The following NRG3 variants were observed in gnomAD, a reference collection of about 807,000 sequenced individuals.
The protein encoded by NRG3 is pro-neuregulin-3, membrane-bound isoform.
Under a neutral mutation model 66.9 loss-of-function variants are expected in NRG3, and 31 were observed. The observed-to-expected ratio is 0.46, with a 90% CI of 0.35 to 0.63. The LOEUF is 0.63. Ranked by LOEUF, NRG3 falls within the 20% of genes least tolerant of loss-of-function variation. NRG3 has a pLI of 0.00. For missense variants in NRG3, 910 were observed against 878.9 expected, an observed-to-expected ratio of 1.04 and a Z score of -0.45; for synonymous variants, 393 against 359.4, an observed-to-expected ratio of 1.09 and a Z score of -1.06.
chr10:82,002,773 A>ATGC (rs1252731716), intron 1 of NRG3, among the ~76,000 whole-genome samples: 1 of 152,220 alleles, frequency 6.6e-6, no homozygotes, highest in Non-Finnish European at 1.5e-5. Context: ...AGATGCAAGA[A>ATGC]AATAGTTTCA....
At chr10:81,991,189 C>T (rs900039372) in intron 1 of NRG3, among the ~76,000 whole-genome samples, 5 of 152,064 alleles carry the variant, frequency 3.3e-5, no homozygotes, top group African/African-American at 1.2e-4. Flanking sequence ...TTATTGTCTT[C>T]AATATGTACA....
At chr10:81,877,947 C>A in intron 1 of NRG3, 1 of 1,537,526 alleles carries the variant, frequency 6.5e-7, no homozygotes, top group Admixed American at 2.0e-5. Context: ...TCTTTTGATG[C>A]AGTTGATAGA....
At chr10:81,968,395 C>T (rs1006346492) in intron 1 of NRG3, among the ~76,000 whole-genome samples, 1 of 152,100 alleles carries the variant, frequency 6.6e-6, no homozygotes, top group Admixed American at 6.6e-5. Context: ...ACTGGGTGGT[C>T]CACTTAGGGG....
At chr10:82,879,294 T>C (rs935198212) in intron 4 of NRG3, among the ~76,000 whole-genome samples, 5 of 152,146 alleles carry the variant, frequency 3.3e-5, no homozygotes, top group African/African-American at 4.8e-5. Flanking sequence ...ATAGTATATG[T>C]TTTTCTTAAC....
At chr10:82,878,571 G>A (rs1445041463) in intron 4 of NRG3, among the ~76,000 whole-genome samples, 1 of 152,210 alleles carries the variant, frequency 6.6e-6, no homozygotes, top group African/African-American at 2.4e-5. Flanking sequence ...TGGGGAGGCA[G>A]TGAGATGAGT....
At chr10:82,856,702 C>G in intron 3 of NRG3, among the ~76,000 whole-genome samples, 1 of 139,814 alleles carries the variant, frequency 7.2e-6, no homozygotes, top group Non-Finnish European at 1.5e-5. Context: ...CGAGATTGTG[C>G]CATTGCACTC....
chr10:81,901,136 G>A (rs7917933), intron 1 of NRG3, among the ~76,000 whole-genome samples: 67,949 of 152,062 alleles, frequency 0.45, 18,695 homozygotes, highest in East Asian at 0.81. Context: ...GGTACAGTGT[G>A]GAATAATGTG....
intron 1 of NRG3, among the ~76,000 whole-genome samples, chr10:82,112,405 G>C (rs942718025): frequency 6.6e-6 from 1 of 151,996 alleles, no homozygotes; most frequent in African/African-American, 2.4e-5. Flanking sequence ...GAAGATGAGG[G>C]AACAGGCCTC....
intron 3 of NRG3, among the ~76,000 whole-genome samples, chr10:82,750,039 A>C (rs961711273): frequency 2.0e-5 from 3 of 152,194 alleles, no homozygotes; most frequent in African/African-American, 7.2e-5. Context: ...ATTCAGAGGA[A>C]AACCATAATC....
intron 1 of NRG3, among the ~76,000 whole-genome samples, chr10:82,287,992 G>A (rs1589600580): frequency 6.6e-6 from 1 of 152,174 alleles, no homozygotes; most frequent in African/African-American, 2.4e-5. Context: ...ATCAAGGCCA[G>A]TACTCAAGTC....
In NRG3 at chr10:82,333,151, T is replaced by C. The variant is rs75138377; in HGVS notation, c.824-25588T>C. Among the ~76,000 whole-genome samples the C allele has an allele frequency of 3.3e-3, 499 of 152,308 alleles. 2 individuals carry two copies. Among genetic ancestry groups the C allele is most frequent in the African/African-American group, 0.012 (481 of 41,552 alleles). Reference sequence around the variant, plus strand: ...TAATCAAGATCTACCCCTGTCTTTTTATTCTATATTCGTTTAGGTGGTCCG... The same window carrying C: ...TAATCAAGATCTACCCCTGTCTTTTCATTCTATATTCGTTTAGGTGGTCCG... On this transcript the variant is annotated intron_variant, in intron 1 of 8. Coordinates refer to ENST00000372141, the MANE Select transcript of NRG3 (RefSeq NM_001010848.4).
At chr10:82,457,741 C>T (rs966056868) in intron 2 of NRG3, among the ~76,000 whole-genome samples, 12 of 152,166 alleles carry the variant, frequency 7.9e-5, no homozygotes, top group African/African-American at 2.7e-4. Context: ...ATCCCCTGAC[C>T]AGCATCAGCC....
At chr10:82,293,249 A>G (rs951635234) in intron 1 of NRG3, among the ~76,000 whole-genome samples, 1 of 152,168 alleles carries the variant, frequency 6.6e-6, no homozygotes, top group African/African-American at 2.4e-5. Context: ...AGACGGCAGT[A>G]TAAATACTTG....
chr10:82,677,175 G>T (rs2134088824), intron 2 of NRG3, among the ~76,000 whole-genome samples: 1 of 150,444 alleles, frequency 6.6e-6, no homozygotes, highest in Admixed American at 6.6e-5. Context: ...CCTCAGCTTT[G>T]CTAGTAGCTG....
At position 82,326,418 on chromosome 10, in the gene NRG3, C is replaced by T. The variant is rs548541674; in HGVS notation, c.824-32321C>T. ...CATCCTTCTTATGCTTGGAATTTGT[C>T]GAGCTTCTCAACTCTATGGGTTTAT... On this transcript the variant is annotated intron_variant, in intron 1 of 8. Transcript: ENST00000372141. 7.2e-5 allele frequency among the ~76,000 whole-genome samples: 11 copies of T among 151,892 alleles called. No homozygotes were observed. The South Asian group carries it at 2.3e-3, about 32-fold the overall frequency.
At chr10:81,906,822 A>G (rs576180074) in intron 1 of NRG3, among the ~76,000 whole-genome samples, 21 of 152,180 alleles carry the variant, frequency 1.4e-4, no homozygotes, top group Non-Finnish European at 1.5e-4. Flanking sequence ...TGCTATTAGC[A>G]TGGCCTGGAG....
At chr10:82,142,275 C>A (rs1019965752) in intron 1 of NRG3, among the ~76,000 whole-genome samples, 4 of 152,154 alleles carry the variant, frequency 2.6e-5, no homozygotes. Flanking sequence ...AGTACTCAAC[C>A]TGTTCTCTAA....
intron 1 of NRG3, among the ~76,000 whole-genome samples, chr10:81,941,053 G>A (rs1236787873): frequency 6.6e-6 from 1 of 152,076 alleles, no homozygotes; most frequent in Non-Finnish European, 1.5e-5. Context: ...AGCTTTAAAA[G>A]TTTAAAATGA....
At chr10:82,681,014 C>A (rs2134120189) in intron 2 of NRG3, among the ~76,000 whole-genome samples, 1 of 152,266 alleles carries the variant, frequency 6.6e-6, no homozygotes, top group East Asian at 1.9e-4. Flanking sequence ...TTCTCTAGAG[C>A]CTTGAAGCCC....
Sources: gnomAD v4.1 joint callset for allele counts (sites outside exome capture counted in the v4.1 genomes callset) on GRCh38, gnomAD v4.1.1 for gene constraint, MANE v1.5 for transcripts, NCBI Gene and HGNC (gene_info 2026-07-23, HGNC 2026-07-21) for gene names.